GRM8: variants seen among roughly 807,000 people sequenced by gnomAD.
The protein encoded by GRM8 is metabotropic glutamate receptor 8.
In GRM8, 47 loss-of-function variants were observed where a neutral mutation model predicts 87.2. The observed-to-expected ratio is 0.54, with a 90% CI of 0.43 to 0.69. The LOEUF is 0.69. Ranked by LOEUF, GRM8 falls within the 30% of genes least tolerant of loss-of-function variation. GRM8 has a pLI of 0.00. For synonymous variants in GRM8, 396 were observed against 404.5 expected, an observed-to-expected ratio of 0.98 and a Z score of 0.25; for missense variants, 1,019 against 1,139.2, an observed-to-expected ratio of 0.89 and a Z score of 1.52.
At chr7:127,135,408 A>G (rs1254412103) in intron 2 of GRM8, among the ~76,000 whole-genome samples, 1 of 152,126 alleles carries the variant, frequency 6.6e-6, no homozygotes, top group Non-Finnish European at 1.5e-5. Flanking sequence ...TGAAAATAAT[A>G]GAACTACAAT....
At chr7:127,010,002 C>G (rs940869335) in intron 3 of GRM8, among the ~76,000 whole-genome samples, 1 of 151,996 alleles carries the variant, frequency 6.6e-6, no homozygotes, top group East Asian at 1.9e-4. Context: ...ACCACCACAC[C>G]CAACTAATTT....
intron 3 of GRM8, among the ~76,000 whole-genome samples, chr7:126,924,847 C>A (rs1341451152): frequency 6.6e-6 from 1 of 152,064 alleles, no homozygotes; most frequent in Non-Finnish European, 1.5e-5. Flanking sequence ...CTTATAAGAA[C>A]CAAATCCATA....
chr7:126,930,464 G>A (rs935740690), intron 3 of GRM8, among the ~76,000 whole-genome samples: 4 of 152,174 alleles, frequency 2.6e-5, no homozygotes, highest in Non-Finnish European at 5.9e-5. Flanking sequence ...TGGTCTTGCC[G>A]AGTCCTCCTT....
At chr7:126,695,911 G>C (rs1809328493) in intron 7 of GRM8, among the ~76,000 whole-genome samples, 1 of 152,180 alleles carries the variant, frequency 6.6e-6, no homozygotes, top group Non-Finnish European at 1.5e-5. Context: ...TAAGTAGAGA[G>C]AGTGTTTCTG....
chr7:126,571,847 A>T (rs1425393241), intron 8 of GRM8, among the ~76,000 whole-genome samples: 3 of 150,916 alleles, frequency 2.0e-5, no homozygotes, highest in Non-Finnish European at 4.4e-5. Context: ...TAAAAGTGAT[A>T]CTCCTGCCTC....
At chr7:126,540,086 T>A (rs1816358365) in intron 8 of GRM8, among the ~76,000 whole-genome samples, 1 of 152,080 alleles carries the variant, frequency 6.6e-6, no homozygotes, top group African/African-American at 2.4e-5. Flanking sequence ...ATATATTTTT[T>A]AAAAACTGTT....
rs1317507059 is a variant in GRM8, at chr7:126,649,176, A to G, written c.1358-39678T>C. On this transcript the variant is annotated intron_variant, in intron 7 of 10. Transcript: ENST00000339582. ...ATGGTTAATACCGAGTGTCAACTTG[A>G]TTGGATTGAAGGATGCAAGGTATTG... Among the ~76,000 whole-genome samples, 5 of 152,254 alleles carry G rather than the reference A, an allele frequency of 3.3e-5. No homozygotes were observed. In the East Asian group the frequency reaches 9.7e-4, roughly 29 times the overall value.
chr7:127,200,040 T>C (rs928348321), intron 2 of GRM8, among the ~76,000 whole-genome samples: 14 of 152,196 alleles, frequency 9.2e-5, no homozygotes, highest in African/African-American at 3.1e-4. Flanking sequence ...CCAAAATTGT[T>C]TGGGAGGTAA....
chr7:126,765,799 A>G (rs1486869126), intron 7 of GRM8, among the ~76,000 whole-genome samples: 1 of 152,136 alleles, frequency 6.6e-6, no homozygotes, highest in Non-Finnish European at 1.5e-5. Context: ...AGTAGACAGA[A>G]GATGTTAAGA....
rs36129145 is a variant in GRM8 at position 126,974,936 on chromosome 7, C to CAAAAAAA, written c.728-70260_728-70254dup. Among the ~76,000 whole-genome samples the CAAAAAAA allele has an allele frequency of 3.5e-4, 21 of 59,620 alleles. 1 individual carries two copies. The highest frequency in any genetic ancestry group is 1.1e-3 in the African/African-American group (17 of 14,844). The allele number at this position is 59,620 out of a possible 152,430, so 39.1% of individuals were successfully genotyped here. Reference sequence around the variant, plus strand: ...GGGTGACAGAGCGAGACTCTTGTCTCAAAAAAAAAAAAAAAAAAAAAAAAA... The same window carrying CAAAAAAA: ...GGGTGACAGAGCGAGACTCTTGTCTCAAAAAAAAAAAAAAAAAAAAAAAAAAAAAAAA... On this transcript the variant is annotated intron_variant, in intron 3 of 10. Coordinates refer to ENST00000339582, the MANE Select transcript of GRM8 (RefSeq NM_000845.3).
chr7:127,189,085 C>T (rs2116469972), intron 2 of GRM8, among the ~76,000 whole-genome samples: 1 of 152,350 alleles, frequency 6.6e-6, no homozygotes, highest in African/African-American at 2.4e-5. Context: ...CATCTACCCT[C>T]AGTGTTCTCT....
intron 2 of GRM8, among the ~76,000 whole-genome samples, chr7:127,194,919 C>T (rs1355114575): frequency 6.6e-6 from 1 of 152,166 alleles, no homozygotes; most frequent in African/African-American, 2.4e-5. Flanking sequence ...CCCCCTTCCC[C>T]CACCCCAGAT....
intron 6 of GRM8, among the ~76,000 whole-genome samples, chr7:126,806,704 G>A (rs1038310166): frequency 2.0e-5 from 3 of 152,234 alleles, no homozygotes; most frequent in East Asian, 3.9e-4. Flanking sequence ...GGCATGCGTC[G>A]CGGGACTTTG....
intron 7 of GRM8, among the ~76,000 whole-genome samples, chr7:126,720,126 T>C (rs748454897): frequency 4.6e-5 from 7 of 151,848 alleles, no homozygotes; most frequent in Admixed American, 6.6e-5. Flanking sequence ...TTATTATGTA[T>C]ATTTAACTCA....
chr7:127,051,275 T>G (rs1386358524), intron 3 of GRM8, among the ~76,000 whole-genome samples: 2 of 152,182 alleles, frequency 1.3e-5, no homozygotes, highest in Admixed American at 1.3e-4. Context: ...GCCCTCCAGT[T>G]GATTCTGATA....
intron 6 of GRM8, among the ~76,000 whole-genome samples, chr7:126,867,832 C>T (rs1798736084): frequency 6.6e-6 from 1 of 152,096 alleles, no homozygotes; most frequent in Non-Finnish European, 1.5e-5. Flanking sequence ...GGGCCAAGGT[C>T]TTAAGTGGGA....
chr7:127,149,503 A>T (rs890031152), intron 2 of GRM8, among the ~76,000 whole-genome samples: 1 of 152,054 alleles, frequency 6.6e-6, no homozygotes, highest in African/African-American at 2.4e-5. Context: ...AAGAATATGG[A>T]GGTTTCTAAA....
In GRM8 at chr7:127,235,140, C is replaced by T. The variant is rs575885504; in HGVS notation, c.510+7555G>A. On this transcript the variant is annotated intron_variant, in intron 2 of 10. Coordinates refer to ENST00000339582, the MANE Select transcript of GRM8 (RefSeq NM_000845.3). ...GACTTCTCACTACTTTTCAAACAAC[C>T]TCATTATTTAAAACACCCCAAACAT... Among the ~76,000 whole-genome samples the T allele has an allele frequency of 5.3e-5, 8 of 152,264 alleles. No individual in the cohort carries two copies. The East Asian group carries it at 1.5e-3, about 29-fold the overall frequency.
At chr7:126,843,524 G>C (rs973509162) in intron 6 of GRM8, among the ~76,000 whole-genome samples, 6 of 152,208 alleles carry the variant, frequency 3.9e-5, no homozygotes, top group African/African-American at 1.4e-4. Context: ...AAAAATGCAT[G>C]GCAAAGATAC....
Sources: gnomAD v4.1 joint callset for allele counts (sites outside exome capture counted in the v4.1 genomes callset) on GRCh38, gnomAD v4.1.1 for gene constraint, MANE v1.5 for transcripts, NCBI Gene and HGNC (gene_info 2026-07-23, HGNC 2026-07-21) for gene names.